The following ITPR1 variants were observed in gnomAD, a reference collection of about 807,000 sequenced individuals.
ITPR1 encodes inositol 1,4,5-trisphosphate-gated calcium channel ITPR1.
Under a neutral mutation model 318.4 loss-of-function variants are expected in ITPR1, and 96 were observed. The ratio of observed to expected loss-of-function variants is 0.30; its 90% CI spans 0.26 to 0.36. The LOEUF is 0.36. Ranked by LOEUF, ITPR1 falls within the 10% of genes least tolerant of loss-of-function variation. The pLI is 1.00. For missense variants in ITPR1, 2,440 were observed against 3,460.2 expected, an observed-to-expected ratio of 0.71 and a Z score of 7.40; for synonymous variants, 1,312 against 1,289.9, an observed-to-expected ratio of 1.02 and a Z score of -0.37.
chr3:4,628,585 G>A (rs983133438), intron 5 of ITPR1, among the ~76,000 whole-genome samples: 4 of 152,114 alleles, frequency 2.6e-5, no homozygotes, highest in Non-Finnish European at 5.9e-5. Context: ...TACTAACATC[G>A]AAATTGTGCC....
chr3:4,567,243 G>C (rs2087398350), intron 4 of ITPR1, among the ~76,000 whole-genome samples: 1 of 152,058 alleles, frequency 6.6e-6, no homozygotes, highest in South Asian at 2.1e-4. Flanking sequence ...TTCATACTTT[G>C]TTGTCACTAT....
At chr3:4,734,634 C>G (rs1165164534) in intron 43 of ITPR1, among the ~76,000 whole-genome samples, 8 of 152,240 alleles carry the variant, frequency 5.3e-5, no homozygotes, top group Non-Finnish European at 7.3e-5. Flanking sequence ...ATTCATCTCC[C>G]CCATCCCCAG....
At chr3:4,744,566 G>T (rs2043942572) in intron 44 of ITPR1, among the ~76,000 whole-genome samples, 1 of 152,214 alleles carries the variant, frequency 6.6e-6, no homozygotes, top group Admixed American at 6.5e-5. Context: ...TGCTTCAGGG[G>T]CAGAGTTGAG....
chr3:4,660,444 T>C (rs970691097), intron 13 of ITPR1, among the ~76,000 whole-genome samples: 4 of 151,740 alleles, frequency 2.6e-5, no homozygotes, highest in African/African-American at 9.7e-5. Flanking sequence ...TTTTTTTTTC[T>C]ATATAGATTA....
intron 4 of ITPR1, among the ~76,000 whole-genome samples, chr3:4,531,067 G>C (rs936119264): frequency 2.6e-5 from 4 of 152,124 alleles, no homozygotes; most frequent in Non-Finnish European, 4.4e-5. Context: ...CATGGGTACT[G>C]TTATGTCCCC....
chr3:4,649,266 AC>A (rs1173918193), intron 10 of ITPR1, among the ~76,000 whole-genome samples: 2 of 152,204 alleles, frequency 1.3e-5, no homozygotes, highest in Admixed American at 1.3e-4. Context: ...CATAGTTGAT[AC>A]CATTTTATAA....
intron 44 of ITPR1, among the ~76,000 whole-genome samples, chr3:4,762,325 G>A (rs2045513512): frequency 6.6e-6 from 1 of 152,212 alleles, no homozygotes; most frequent in Non-Finnish European, 1.5e-5. Flanking sequence ...TCGTGTTACT[G>A]TAGTGATCTC....
chr3:4,769,303 T>C (rs996399397), intron 46 of ITPR1, among the ~76,000 whole-genome samples: 18 of 152,280 alleles, frequency 1.2e-4, no homozygotes, highest in Admixed American at 7.8e-4. Flanking sequence ...TGCACCAACA[T>C]AGGTGCCTGC....
intron 39 of ITPR1, among the ~76,000 whole-genome samples, chr3:4,712,456 A>G (rs1026968444): frequency 2.0e-5 from 3 of 152,234 alleles, no homozygotes; most frequent in African/African-American, 4.8e-5. Flanking sequence ...CAGGACAGAA[A>G]CAATGTCATT....
Position 4,699,840 on chromosome 3 carries a change from C to G in ITPR1, c.4435C>G (p.His1479Asp). ...RACNNTSDRK[H>D]ADSILEKYVT... is the part of the protein sequence containing the mutation. ...CTGTAACAACACTAGTGACAGGAAACATGCAGACTCGATTTTGGAGAAGTA... is the reference window on the plus strand; with the variant it reads ...CTGTAACAACACTAGTGACAGGAAAGATGCAGACTCGATTTTGGAGAAGTA... Residue 1479 changes from histidine (H) to aspartate (D), a missense_variant, in exon 35 of 62, where the codon CAT becomes GAT. Physicochemically the swap from His to Asp is moderately conservative, Grantham distance 81 (BLOSUM62 -1). Around this residue, in one of 23 missense-constraint regions of ITPR1, gnomAD observed 73 missense variants for 59.5 expected, o/e 1.23. Coordinates refer to ENST00000649015, the MANE Select transcript of ITPR1 (RefSeq NM_001378452.1). The G allele has an allele frequency of 6.2e-7, 1 of 1,613,896 alleles. No individual in the cohort carries two copies. Among genetic ancestry groups the G allele is most frequent in the Non-Finnish European group, 8.5e-7 (1 of 1,179,810 alleles).
intron 24 of ITPR1, among the ~76,000 whole-genome samples, 200 bp from the exon 25 acceptor site, chr3:4,680,353 A>T (rs780854633): frequency 6.6e-6 from 1 of 152,212 alleles, no homozygotes; most frequent in Non-Finnish European, 1.5e-5. Context: ...CTAAGGTGCT[A>T]TGGGCAGACT....
At chr3:4,820,324 T>C (rs2049612385) in intron 60 of ITPR1, among the ~76,000 whole-genome samples, 1 of 152,210 alleles carries the variant, frequency 6.6e-6, no homozygotes. Flanking sequence ...CCCCTGACTT[T>C]GTTCTCTTGT....
At chr3:4,498,475 T>C (rs1247004277) in intron 2 of ITPR1, among the ~76,000 whole-genome samples, 1 of 152,108 alleles carries the variant, frequency 6.6e-6, no homozygotes, top group East Asian at 1.9e-4. Context: ...GGAGTCAAGG[T>C]CCAGACCTGT....
At position 4,534,934 on chromosome 3, in the gene ITPR1, T is replaced by C. The variant is rs912987582; in HGVS notation, c.163+13840T>C. 1.4e-4 allele frequency among the ~76,000 whole-genome samples: 21 copies of C among 152,314 alleles called. No individual in the cohort carries two copies. In the Middle Eastern group the frequency reaches 0.014, roughly 99 times the overall value. On this transcript the variant is annotated intron_variant, in intron 4 of 61. Coordinates refer to ENST00000649015, the MANE Select transcript of ITPR1 (RefSeq NM_001378452.1). Reference sequence around the variant, plus strand: ...TCACTTGAGAACTTTGCTTCGGTCTTGTCGACAAAGAATACGGGGTTTTGT... The same window carrying C: ...TCACTTGAGAACTTTGCTTCGGTCTCGTCGACAAAGAATACGGGGTTTTGT...
chr3:4,835,892 G>A (rs940901714), intron 60 of ITPR1, among the ~76,000 whole-genome samples: 11 of 151,984 alleles, frequency 7.2e-5, no homozygotes, highest in Admixed American at 2.0e-4. Context: ...GGGGATGGAC[G>A]GGGGAGGAAA....
chr3:4,692,497 T>A (rs11918796), intron 32 of ITPR1, among the ~76,000 whole-genome samples: 4 of 152,042 alleles, frequency 2.6e-5, no homozygotes, highest in African/African-American at 4.8e-5. Context: ...TTAGGAAGTT[T>A]GTCTAAAGAG....
intron 3 of ITPR1, among the ~76,000 whole-genome samples, chr3:4,516,896 T>A (rs1050777105): frequency 6.6e-6 from 1 of 152,206 alleles, no homozygotes; most frequent in African/African-American, 2.4e-5. Context: ...TTAAATGGAA[T>A]AAAGTGTAAA....
At chr3:4,756,734 A>G (rs543891299) in intron 44 of ITPR1, among the ~76,000 whole-genome samples, 1 of 152,200 alleles carries the variant, frequency 6.6e-6, no homozygotes, top group South Asian at 2.1e-4. Flanking sequence ...ATTGCCATTC[A>G]TTGTGTTTTT....
chr3:4,659,705 A>G lies in ITPR1; in HGVS notation c.1152-1283A>G, dbSNP rs115271323. On this transcript the variant is annotated intron_variant, in intron 13 of 61. Transcript: ENST00000649015. ...TGTCTCCAAAGGAAAAAAAAAAAAG[A>G]AACTGTTATAGTCAATTGTAATCAT... Among the ~76,000 whole-genome samples, 1,456 of 152,132 alleles carry G rather than the reference A, an allele frequency of 9.6e-3. 21 individuals carry two copies. Among genetic ancestry groups the G allele is most frequent in the African/African-American group, 0.033 (1,365 of 41,512 alleles).
Sources: gnomAD v4.1 joint callset for allele counts (sites outside exome capture counted in the v4.1 genomes callset) on GRCh38, gnomAD v4.1.1 for gene constraint, gnomAD v4.1.1 regional missense constraint, MANE v1.5 for transcripts, NCBI Gene and HGNC (gene_info 2026-07-23, HGNC 2026-07-21) for gene names.